Variants in AVEN observed in about 807,000 individuals in gnomAD.
AVEN encodes the protein apoptosis and caspase activation inhibitor.
Under a neutral mutation model 38.1 loss-of-function variants are expected in AVEN, and 41 were observed. The ratio of observed to expected loss-of-function variants is 1.08; its 90% CI spans 0.84 to 1.40. AVEN has a LOEUF of 1.40. Among genes scored for constraint, AVEN ranks in the 40% most tolerant of loss-of-function variants. The pLI is 0.00. For synonymous variants in AVEN, 206 were observed against 171.8 expected (o/e 1.20, Z -1.56); for missense variants, 605 against 438.8 (o/e 1.38, Z -3.38).
intron 2 of AVEN, among the ~76,000 whole-genome samples, chr15:33,916,310 G>T (rs552541586): frequency 6.6e-6 from 1 of 152,294 alleles, no homozygotes; most frequent in East Asian, 1.9e-4. Flanking sequence ...GCAAGTGCTG[G>T]TATCTACAGC....
At chr15:34,014,927 A>G (rs1248436568) in intron 1 of AVEN, among the ~76,000 whole-genome samples, 4 of 152,068 alleles carry the variant, frequency 2.6e-5, no homozygotes, top group African/African-American at 9.7e-5. Flanking sequence ...GATAAACAGA[A>G]AGGAAGGGTC....
At chr15:33,859,498 C>T in intron 11 of AVEN, 1 of 1,534,442 alleles carries the variant, frequency 6.5e-7, no homozygotes, top group African/African-American at 1.4e-5. Flanking sequence ...CTGACCGAAT[C>T]ATATGAATGA....
intron 2 of AVEN, among the ~76,000 whole-genome samples, chr15:33,982,229 T>G (rs572881738): frequency 3.3e-5 from 5 of 152,132 alleles, no homozygotes; most frequent in African/African-American, 1.2e-4. Context: ...TAGAGCTGCA[T>G]CTGCAGCTCT....
intron 2 of AVEN, among the ~76,000 whole-genome samples, chr15:33,974,792 T>C (rs545564726): frequency 1.2e-4 from 18 of 152,210 alleles, no homozygotes; most frequent in Admixed American, 9.8e-4. Context: ...GGCCAACATG[T>C]TGAAACCCCG....
At chr15:33,868,001 G>A in intron 4 of AVEN, 146 bp from the exon 5 acceptor site, 1 of 1,133,586 alleles carries the variant, frequency 8.8e-7, no homozygotes, top group Non-Finnish European at 1.2e-6. Context: ...TCCTTTCCAG[G>A]CCCTGGTGGG....
intron 3 of AVEN, among the ~76,000 whole-genome samples, chr15:33,873,817 G>A (rs886878073): frequency 6.6e-6 from 1 of 152,016 alleles, no homozygotes; most frequent in Admixed American, 6.6e-5. Context: ...AGTTACTCAA[G>A]CTAGAAAGCA....
chr15:34,049,141 C>T (rs769029135), intron 5 of AVEN, among the ~76,000 whole-genome samples: 1 of 152,124 alleles, frequency 6.6e-6, no homozygotes, highest in Non-Finnish European at 1.5e-5. Context: ...AGACAGAGTG[C>T]GTCTCTGCCT....
intron 2 of AVEN, among the ~76,000 whole-genome samples, chr15:33,923,500 T>G (rs1301662461): frequency 6.6e-6 from 1 of 152,240 alleles, no homozygotes. Context: ...AATAGTTAAA[T>G]AGTAATTACT....
chr15:34,075,257 A>T (rs1309177644), upstream of AVEN, among the ~76,000 whole-genome samples: 1 of 151,924 alleles, frequency 6.6e-6, no homozygotes, highest in East Asian at 1.9e-4. Flanking sequence ...ATTTACTCAC[A>T]GTTCCGCATG....
At chr15:34,043,363 G>A (rs372846175), upstream of AVEN, among the ~76,000 whole-genome samples, 6 of 152,302 alleles carry the variant, frequency 3.9e-5, no homozygotes, top group African/African-American at 1.4e-4. Context: ...AGTTTGTGGG[G>A]AAAGTACCTC....
Position 33,866,638 on chromosome 15 carries a change from T to A in AVEN, c.1064A>T (p.Asp355Val), listed in dbSNP as rs765200246. The A allele has an allele frequency of 5.1e-5, 82 of 1,613,806 alleles. No individual in the cohort carries two copies. Among genetic ancestry groups the A allele is most frequent in the Non-Finnish European group, 6.8e-5 (80 of 1,179,852 alleles). The part of the protein sequence containing the change: ...SKNVTEEELE[D>V]WLDSMIS ...TTAGGAAATCATGCTGTCCAACCAG[T>A]CTTCCAGCTCTTCCTCGGTAACATT... Residue 355 changes from aspartate to valine, a missense_variant, in exon 6 of 6, where the codon GAC becomes GTC. Coordinates refer to ENST00000306730, the MANE Select transcript of AVEN (RefSeq NM_020371.3).
At chr15:33,935,638 T>C (rs1338964668) in intron 2 of AVEN, among the ~76,000 whole-genome samples, 1 of 152,148 alleles carries the variant, frequency 6.6e-6, no homozygotes, top group Admixed American at 6.5e-5. Flanking sequence ...TTTTGTATGC[T>C]GACTACATGG....
At chr15:34,003,762 A>G (rs1238068554) in intron 1 of AVEN, among the ~76,000 whole-genome samples, 1 of 152,228 alleles carries the variant, frequency 6.6e-6, no homozygotes, top group East Asian at 1.9e-4. Context: ...ATGGTACTAC[A>G]TTTATACATA....
chr15:33,954,551 G>C (rs1894885679), intron 2 of AVEN, among the ~76,000 whole-genome samples: 1 of 149,668 alleles, frequency 6.7e-6, no homozygotes. Context: ...CTATCACAAG[G>C]ACAGAAAACC....
At chr15:33,989,437 T>A (rs8042530) in intron 2 of AVEN, among the ~76,000 whole-genome samples, 32,839 of 150,366 alleles carry the variant, frequency 0.22, 4,051 homozygotes, top group Middle Eastern at 0.41. Flanking sequence ...AACAGCTGGT[T>A]TTGTTTGGAG....
intron 2 of AVEN, among the ~76,000 whole-genome samples, chr15:33,957,733 A>G (rs1437834757): frequency 6.6e-6 from 1 of 151,974 alleles, no homozygotes; most frequent in Non-Finnish European, 1.5e-5. Context: ...GAAAAAAAAA[A>G]AAGCCAGACA....
intron 2 of AVEN, among the ~76,000 whole-genome samples, chr15:33,883,267 C>G (rs968542500): frequency 1.3e-5 from 2 of 152,160 alleles, no homozygotes; most frequent in Non-Finnish European, 2.9e-5. Context: ...ACAGGAATAA[C>G]CAAAAAGCTG....
chr15:33,864,754 T>C (rs1889875276), downstream of AVEN: 1 of 197,656 alleles, frequency 5.1e-6, no homozygotes, highest in African/African-American at 2.3e-5. Context: ...ATGGGAGAGG[T>C]ACCTGGTTTC....
At chr15:34,034,446 T>TTA (rs1899022604) in intron 1 of AVEN, among the ~76,000 whole-genome samples, 2 of 143,722 alleles carry the variant, frequency 1.4e-5, no homozygotes, top group Non-Finnish European at 3.0e-5. Context: ...GTTTCTTTTT[T>TTA]AAAAAAAAAA....
Sources: allele counts gnomAD v4.1 joint callset (sites outside exome capture counted in the v4.1 genomes callset), GRCh38; gene constraint gnomAD v4.1.1; transcripts MANE v1.5; gene names NCBI Gene and HGNC (gene_info 2026-07-23, HGNC 2026-07-21).